The following ERC2 variants were observed in gnomAD, a reference collection of about 807,000 sequenced individuals.
The protein encoded by ERC2 is ELKS/RAB6-interacting/CAST family member 2.
Under a neutral mutation model 114.8 loss-of-function variants are expected in ERC2, and 42 were observed. That is an observed-to-expected ratio of 0.37 (90% CI 0.29 to 0.47). The LOEUF (loss-of-function observed/expected upper bound fraction) is 0.47, where lower values mean the gene tolerates loss of function less well. Among genes scored for constraint, ERC2 ranks in the 20% least tolerant of loss-of-function variants. The probability of loss-of-function intolerance (pLI) is 0.99; values close to 1 mark genes in which losing one functional copy is unlikely to be tolerated. For synonymous variants in ERC2, 454 were observed against 425.5 expected (o/e 1.07, Z -0.82); for missense variants, 939 against 1,150.7 (o/e 0.82, Z 2.66).
At chr3:56,257,417 G>A (rs934055393) in intron 3 of ERC2, among the ~76,000 whole-genome samples, 8 of 152,184 alleles carry the variant, frequency 5.3e-5, no homozygotes, top group African/African-American at 1.9e-4. Context: ...CTGCAGTTCA[G>A]GCAATTTAAC....
chr3:56,431,002 TG>T (rs1386301267), intron 2 of ERC2, among the ~76,000 whole-genome samples: 1 of 146,766 alleles, frequency 6.8e-6, no homozygotes, highest in Non-Finnish European at 1.5e-5. Context: ...GCTTACCAAC[TG>T]TGTGAACTTG....
intron 3 of ERC2, among the ~76,000 whole-genome samples, chr3:56,234,998 A>G (rs905957455): frequency 1.3e-5 from 2 of 152,202 alleles, no homozygotes; most frequent in Admixed American, 6.5e-5. Flanking sequence ...AGACATCATG[A>G]CAAGTATTAG....
At chr3:55,596,476 G>A (rs2058141843) in intron 17 of ERC2, among the ~76,000 whole-genome samples, 1 of 151,980 alleles carries the variant, frequency 6.6e-6, no homozygotes, top group Non-Finnish European at 1.5e-5. Context: ...CAACTTGGGA[G>A]GCTGAGGTTA....
intron 2 of ERC2, among the ~76,000 whole-genome samples, chr3:56,371,204 T>C (rs2059350685): frequency 1.3e-5 from 2 of 152,042 alleles, no homozygotes; most frequent in Non-Finnish European, 2.9e-5. Flanking sequence ...TACAAGACAA[T>C]AGAACACTGT....
intron 2 of ERC2, among the ~76,000 whole-genome samples, chr3:56,351,517 AAAAAAG>A (rs2058552336): frequency 6.6e-6 from 1 of 152,200 alleles, no homozygotes; most frequent in Non-Finnish European, 1.5e-5. Context: ...GACAGAAAGA[AAAAAAG>A]AAAAAGAAAG....
intron 2 of ERC2, among the ~76,000 whole-genome samples, chr3:56,401,314 G>A: frequency 6.6e-6 from 1 of 152,182 alleles, no homozygotes; most frequent in Non-Finnish European, 1.5e-5. Context: ...TCAAGAAAGA[G>A]TAAAAGAGTG....
chr3:56,384,070 G>A (rs1482738752), intron 2 of ERC2, among the ~76,000 whole-genome samples: 1 of 152,034 alleles, frequency 6.6e-6, no homozygotes, highest in Admixed American at 6.6e-5. Context: ...ACACACAATA[G>A]AATATTATTT....
chr3:56,000,723 A>T (rs2071978129), intron 10 of ERC2, among the ~76,000 whole-genome samples: 1 of 152,038 alleles, frequency 6.6e-6, no homozygotes, highest in African/African-American at 2.4e-5. Flanking sequence ...AGGAAACTTA[A>T]GATAGTAGGA....
At chr3:55,799,643 G>T (rs758564224) in intron 14 of ERC2, among the ~76,000 whole-genome samples, 9 of 151,792 alleles carry the variant, frequency 5.9e-5, no homozygotes, top group Non-Finnish European at 5.9e-5. Flanking sequence ...TGGAGGATGT[G>T]CCTTAAATCA....
At chr3:56,467,202 G>A (rs1472439486) in intron 1 of ERC2, 2 of 152,268 alleles carry the variant, frequency 1.3e-5, no homozygotes, top group African/African-American at 4.8e-5. Flanking sequence ...AACTAACCAT[G>A]ACAAGTGGGA....
intron 13 of ERC2, among the ~76,000 whole-genome samples, chr3:55,894,573 T>C (rs2063754735): frequency 6.6e-6 from 1 of 152,158 alleles, no homozygotes. Flanking sequence ...TTCTTCAAAC[T>C]TCATCCCCCT....
At chr3:56,005,783 A>T (rs1560010395) in intron 10 of ERC2, among the ~76,000 whole-genome samples, 1 of 152,072 alleles carries the variant, frequency 6.6e-6, no homozygotes, top group Non-Finnish European at 1.5e-5. Context: ...GCTAGCTTAA[A>T]GCCTGCCTTA....
chr3:55,700,028 C>T (rs1355906013), intron 15 of ERC2, among the ~76,000 whole-genome samples: 1 of 152,196 alleles, frequency 6.6e-6, no homozygotes, highest in Non-Finnish European at 1.5e-5. Flanking sequence ...AGATGGTTTA[C>T]TGCTATGATG....
At chr3:55,686,409 A>G (rs1322405897) in intron 16 of ERC2, among the ~76,000 whole-genome samples, 1 of 152,224 alleles carries the variant, frequency 6.6e-6, no homozygotes, top group Non-Finnish European at 1.5e-5. Context: ...CTAACCTTCA[A>G]AGCTTAAACA....
chr3:55,887,190 A>G (rs1340778334), intron 14 of ERC2, among the ~76,000 whole-genome samples: 3 of 152,222 alleles, frequency 2.0e-5, no homozygotes, highest in Non-Finnish European at 4.4e-5. Context: ...CTCACCTCTG[A>G]ACTGAGTATA....
At chr3:55,587,063 A>C (rs1275577272) in intron 17 of ERC2, among the ~76,000 whole-genome samples, 1 of 152,244 alleles carries the variant, frequency 6.6e-6, no homozygotes. Context: ...TGTAGTACAA[A>C]TTTGCAAGTT....
At chr3:56,414,837 G>C (rs1354744732) in intron 2 of ERC2, among the ~76,000 whole-genome samples, 1 of 152,012 alleles carries the variant, frequency 6.6e-6, no homozygotes, top group African/African-American at 2.4e-5. Flanking sequence ...GACTCTGTGA[G>C]ACCAAACAAC....
At chr3:56,051,826 AACACACACACACACACACAC>A (rs370057271) in intron 7 of ERC2, among the ~76,000 whole-genome samples, 49 of 130,118 alleles carry the variant, frequency 3.8e-4, no homozygotes, top group African/African-American at 9.8e-4. Flanking sequence ...CTCCATCTCA[AACACACACACACACACACAC>A]ACACACACAC....
intron 1 of ERC2, among the ~76,000 whole-genome samples, chr3:56,455,253 TAAAAAAAAGAAAAGA>T (rs2063012614): frequency 2.0e-5 from 3 of 150,506 alleles, no homozygotes; most frequent in African/African-American, 7.3e-5. Context: ...AAAATAAATT[TAAAAAAAAGAAAAGA>T]AAAAAAAACA....
Sources: allele counts gnomAD v4.1 joint callset (sites outside exome capture counted in the v4.1 genomes callset), GRCh38; gene constraint gnomAD v4.1.1; transcripts MANE v1.5; gene names NCBI Gene and HGNC (gene_info 2026-07-23, HGNC 2026-07-21).